GOSR2: variants seen among roughly 807,000 people sequenced by gnomAD.
GOSR2 encodes the protein 27 kDa Golgi SNARE protein.
In GOSR2, 20 loss-of-function variants were observed where a neutral mutation model predicts 27.9. The ratio of observed to expected loss-of-function variants is 0.72; its 90% CI spans 0.50 to 1.04. GOSR2 has a LOEUF of 1.04. GOSR2 is among the 50% of genes least tolerant of loss of function. The pLI is 0.00. For missense variants in GOSR2, 261 were observed against 270.5 expected (o/e 0.97, Z 0.25); for synonymous variants, 91 against 98.8 (o/e 0.92, Z 0.47).
At chr17:46,925,439 G>T (rs562699970) in intron 1 of GOSR2, among the ~76,000 whole-genome samples, 1 of 152,324 alleles carries the variant, frequency 6.6e-6, no homozygotes, top group Non-Finnish European at 1.5e-5. Context: ...CTTCTTTTAT[G>T]CTGCAGTATC....
intron 6 of GOSR2, among the ~76,000 whole-genome samples, chr17:46,960,530 T>C (rs536343639): frequency 6.6e-6 from 1 of 152,234 alleles, no homozygotes; most frequent in African/African-American, 2.4e-5. Flanking sequence ...GGAAAACTTT[T>C]GTTCACACAT....
Position 46,941,530 on chromosome 17 carries a change from C to T in GOSR2, c.*2770C>T, listed in dbSNP as rs939251667. On this transcript the variant is annotated 3_prime_UTR_variant, in exon 6 of 6. Coordinates refer to ENST00000640051, the MANE Select transcript of GOSR2 (RefSeq NM_004287.5). ...TAAAATTACATATTCCTGGGGCCTACCCCAGATCTGAATTAGAACCTTTTT... is the reference window on the plus strand; with the variant it reads ...TAAAATTACATATTCCTGGGGCCTATCCCAGATCTGAATTAGAACCTTTTT... 4.9e-6 allele frequency: 2 copies of T among 412,132 alleles called. No individual in the cohort carries two copies. Among genetic ancestry groups the T allele is most frequent in the African/African-American group, 4.3e-5 (2 of 46,294 alleles). The allele number at this position is 412,132 out of a possible 1,614,324, so 25.5% of individuals were successfully genotyped here.
chr17:46,940,577 A>C lies in GOSR2; in HGVS notation c.*1817A>C. ...CAGGCACCCAAGGATCCTGCCAGAC[A>C]GCACACTTTGGAGGAAGGTCTGCAG... On this transcript the variant is annotated 3_prime_UTR_variant, in exon 6 of 6. Transcript: ENST00000640051. 3.1e-6 allele frequency: 5 copies of C among 1,614,206 alleles called. No individual in the cohort carries two copies. The highest frequency in any genetic ancestry group is 4.2e-6 in the Non-Finnish European group (5 of 1,180,038).
chr17:46,930,444 C>G (rs973181251), intron 2 of GOSR2: 1 of 152,144 alleles, frequency 6.6e-6, no homozygotes, highest in African/African-American at 2.4e-5. Context: ...ACTGTCTTAT[C>G]GAAAGGGATA....
chr17:46,971,011 AT>A (rs1342373266), downstream of GOSR2, among the ~76,000 whole-genome samples: 5 of 152,082 alleles, frequency 3.3e-5, no homozygotes, highest in African/African-American at 1.2e-4. Flanking sequence ...GTTTGCCAAC[AT>A]TTTTCTTTTT....
Position 46,940,349 on chromosome 17 carries a change from G to A in GOSR2, c.*1589G>A. 6.8e-7 allele frequency: 1 copy of A among 1,479,348 alleles called. No homozygotes were observed. Among genetic ancestry groups the A allele is most frequent in the Middle Eastern group, 2.4e-4 (1 of 4,094 alleles). The allele number at this position is 1,479,348 out of a possible 1,614,324, so 91.6% of individuals were successfully genotyped here. A position where few individuals can be genotyped will look rare whatever the true frequency, so the allele number is the denominator to read the frequency against. On this transcript the variant is annotated 3_prime_UTR_variant, in exon 6 of 6. Coordinates refer to ENST00000640051, the MANE Select transcript of GOSR2 (RefSeq NM_004287.5). The stretch of plus-strand genomic sequence containing the variant: ...ATCTGTGACTCCTAAAATGGGTTGG[G>A]GCCCTGCCAGAGTTAAAGCAGTGAC...
chr17:46,935,467 C>G, intron 5 of GOSR2: 2 of 1,373,644 alleles, frequency 1.5e-6, no homozygotes. Context: ...GGTCCAATCA[C>G]AGGCTGAGAA....
At chr17:46,929,406 G>T (rs756256378) in intron 1 of GOSR2, 114 bp from the exon 2 acceptor site, 16 of 724,492 alleles carry the variant, frequency 2.2e-5, no homozygotes, top group Non-Finnish European at 3.5e-5. Flanking sequence ...TTACAGTTCA[G>T]TGATGCTGTC....
chr17:46,965,414 C>T (rs899654018), intron 6 of GOSR2, among the ~76,000 whole-genome samples: 2 of 152,308 alleles, frequency 1.3e-5, no homozygotes, highest in African/African-American at 2.4e-5. Context: ...TTCTGTGGCA[C>T]CCCAGGGCTC....
chr17:46,953,789 GTGA>G (rs1568206508), intron 6 of GOSR2, among the ~76,000 whole-genome samples: 1 of 152,214 alleles, frequency 6.6e-6, no homozygotes, highest in Non-Finnish European at 1.5e-5. Context: ...CTGATGGCCA[GTGA>G]TGATGAGCAT....
chr17:46,951,085 G>A (rs1599159634), intron 6 of GOSR2, among the ~76,000 whole-genome samples: 1 of 152,316 alleles, frequency 6.6e-6, no homozygotes, highest in Middle Eastern at 3.4e-3. Flanking sequence ...CAGGGTGGCA[G>A]GAGCCACGCC....
intron 2 of GOSR2, 59 bp downstream of exon 2, chr17:46,929,643 T>C (rs2087011538): frequency 3.5e-6 from 3 of 862,200 alleles, no homozygotes; most frequent in Non-Finnish European, 6.1e-6. Flanking sequence ...GCTAATGGGC[T>C]GGGCTTCCTG....
In GOSR2 at chr17:46,940,791, G is replaced by A; in HGVS notation, c.*2031G>A. ...TCTAGTTTGGAATAAAAATTGCAGA[G>A]GTGGTTTTTGGGTCTTTACCACCTG... On this transcript the variant is annotated 3_prime_UTR_variant, in exon 6 of 6. Transcript: ENST00000640051. 1 of 1,499,976 alleles carries A rather than the reference G, an allele frequency of 6.7e-7. No homozygotes were observed. The highest frequency in any genetic ancestry group is 1.4e-5 in the African/African-American group (1 of 72,288). 92.9% of individuals were successfully genotyped at this position (1,499,976 alleles called of 1,614,324 possible). A position where few individuals can be genotyped will look rare whatever the true frequency, so the allele number is the denominator to read the frequency against.
At chr17:46,931,626 A>G (rs2087398206) in intron 3 of GOSR2, 1 of 286,964 alleles carries the variant, frequency 3.5e-6, no homozygotes. Flanking sequence ...ATACTCCAGC[A>G]TGAAATTAAA....
chr17:46,928,792 T>G (rs2086877780), intron 1 of GOSR2, among the ~76,000 whole-genome samples: 1 of 152,194 alleles, frequency 6.6e-6, no homozygotes, highest in African/African-American at 2.4e-5. Context: ...CCACATGTCT[T>G]GAATGAATTT....
downstream of GOSR2, among the ~76,000 whole-genome samples, chr17:46,942,946 C>T (rs1351236737): frequency 6.6e-6 from 1 of 152,168 alleles, no homozygotes; most frequent in African/African-American, 2.4e-5. Context: ...TCCCCATGTC[C>T]CTCTAGTACA....
At chr17:46,957,315 CAAAA>C (rs1464271802) in intron 6 of GOSR2, among the ~76,000 whole-genome samples, 2 of 151,486 alleles carry the variant, frequency 1.3e-5, no homozygotes, top group African/African-American at 2.4e-5. Flanking sequence ...AAAAAGAAAA[CAAAA>C]AAAGAAACCC....
chr17:46,930,466 C>G (rs952710950), intron 2 of GOSR2: 1 of 152,020 alleles, frequency 6.6e-6, no homozygotes, highest in African/African-American at 2.4e-5. Context: ...GGAAAATGAC[C>G]GTATTTATCG....
Position 46,939,170 on chromosome 17 carries a change from A to C in GOSR2, c.*410A>C. 1 of 1,097,782 alleles carries C rather than the reference A, an allele frequency of 9.1e-7. No individual in the cohort carries two copies. Among genetic ancestry groups the C allele is most frequent in the Non-Finnish European group, 1.1e-6 (1 of 893,450 alleles). The allele number at this position is 1,097,782 out of a possible 1,614,324, so 68.0% of individuals were successfully genotyped here. A position where few individuals can be genotyped will look rare whatever the true frequency, so the allele number is the denominator to read the frequency against. On this transcript the variant is annotated 3_prime_UTR_variant, in exon 6 of 6. Transcript: ENST00000640051. ...GCCTTTCTGGCTCCTGATAGGGTGGAGCAAAAGTGGAAAGGAAAGGAAAGA... is the reference window on the plus strand; with the variant it reads ...GCCTTTCTGGCTCCTGATAGGGTGGCGCAAAAGTGGAAAGGAAAGGAAAGA...
Sources: allele counts gnomAD v4.1 joint callset (sites outside exome capture counted in the v4.1 genomes callset), GRCh38; gene constraint gnomAD v4.1.1; transcripts MANE v1.5; gene names NCBI Gene and HGNC (gene_info 2026-07-23, HGNC 2026-07-21).